The following POLE variants were observed in gnomAD, a reference collection of about 807,000 sequenced individuals.
POLE encodes the protein DNA polymerase epsilon catalytic subunit A.
In POLE, 188 loss-of-function variants were observed where a neutral mutation model predicts 279.2. That is an observed-to-expected ratio of 0.67 (90% CI 0.60 to 0.76). The LOEUF is 0.76. Ranked by LOEUF, POLE falls within the 30% of genes least tolerant of loss-of-function variation. The probability of loss-of-function intolerance (pLI) is 0.00; values close to 1 mark genes in which losing one functional copy is unlikely to be tolerated. For synonymous variants in POLE, 1,214 were observed against 1,172.5 expected, an observed-to-expected ratio of 1.04 and a Z score of -0.72; for missense variants, 2,703 against 3,016.7, an observed-to-expected ratio of 0.90 and a Z score of 2.44.
intron 6 of POLE, 124 bp from the exon 7 acceptor site, chr12:132,677,843 T>G: frequency 1.1e-6 from 1 of 941,260 alleles, no homozygotes; most frequent in Non-Finnish European, 1.6e-6. Context: ...AAAGGTAAAT[T>G]GATGTGGTTT....
chr12:132,641,643 G>A lies in POLE; in HGVS notation c.5378+4C>T, dbSNP rs1565935556. ...GTAACACTCCTTCCCAGAGAGGGTG[G>A]CACCTGAAGGTGTTAGAGCACAGGG... On this transcript the variant is annotated splice_donor_region_variant and intron_variant, in intron 39 of 48. Coordinates refer to ENST00000320574, the MANE Select transcript of POLE (RefSeq NM_006231.4). 6.2e-7 allele frequency: 1 copy of A among 1,611,724 alleles called. No homozygotes were observed. The highest frequency in any genetic ancestry group is 2.2e-5 in the East Asian group (1 of 44,864).
In POLE at chr12:132,661,087, A is replaced by G. The variant is rs1364597199; in HGVS notation, c.2942T>C (p.Leu981Pro). The G allele has an allele frequency of 1.2e-6, 2 of 1,613,960 alleles. No homozygotes were observed. Among genetic ancestry groups the G allele is most frequent in the Non-Finnish European group, 1.7e-6 (2 of 1,179,984 alleles). ...FEVKRRGELQLIKIFQSSVFE... is the reference protein window; with the variant it reads ...FEVKRRGELQPIKIFQSSVFE... ...CACCGAGGATTGGAAGATCTTAATCAGCTGCAGTTCCCCGCGGCGTTTGAC... is the reference window on the plus strand; with the variant it reads ...CACCGAGGATTGGAAGATCTTAATCGGCTGCAGTTCCCCGCGGCGTTTGAC... Residue 981 changes from leucine to proline, a missense_variant, in exon 25 of 49, where the codon CTG becomes CCG. Around this residue, in one of 5 missense-constraint regions of POLE, gnomAD observed 19 missense variants for 51.5 expected, o/e 0.37. Transcript: ENST00000320574. This position sits in a 1 kb window ranked among gnomAD's most constrained non-coding sequence, Gnocchi z 4.1.
chr12:132,641,802 C>G lies in POLE; in HGVS notation c.5223G>C (p.Gln1741His), dbSNP rs184039394. The G allele has an allele frequency of 6.2e-7, 1 of 1,605,270 alleles. No individual in the cohort carries two copies. The highest frequency in any genetic ancestry group is 8.5e-7 in the Non-Finnish European group (1 of 1,179,966). ...CCTCCATGTCGTTGACATGGTGAGA[C>G]TGGAGAATGGTGTTGACGGCCAGGT... ...LQNLAVNTIL[Q>H]SHHVNDMEGA... Residue 1741 changes from glutamine to histidine, a missense_variant, in exon 39 of 49, where the codon CAG (glutamine) becomes CAC (histidine). Gln to His is a conservative substitution (Grantham distance 24, BLOSUM62 0). Transcript: ENST00000320574.
intron 40 of POLE, chr12:132,638,576 G>A (rs890444549): frequency 5.9e-6 from 1 of 168,966 alleles, no homozygotes; most frequent in African/African-American, 2.4e-5. Flanking sequence ...GTGAGGCGCG[G>A]CCAGGGAAGA....
Position 132,661,072 on chromosome 12 carries a change from TG to T in POLE, c.2956del (p.Gln986AsnfsTer21), listed in dbSNP as rs1593776083. On this transcript the variant is annotated frameshift_variant, in exon 25 of 49. Coordinates refer to ENST00000320574, the MANE Select transcript of POLE (RefSeq NM_006231.4). LOFTEE classifies it high-confidence loss of function. The surrounding 1 kb of genome is among the most constrained non-coding windows in gnomAD (Gnocchi z 4.1). ...RGELQLIKIF[Q>X]SSVFEAFLKG... The stretch of plus-strand genomic sequence containing the variant: ...GAGGAAGGCCTCAAACACCGAGGAT[TG>T]GAAGATCTTAATCAGCTGCAGTTCC... 6.2e-7 allele frequency: 1 copy of T among 1,613,950 alleles called. No individual in the cohort carries two copies. The highest frequency in any genetic ancestry group is 8.5e-7 in the Non-Finnish European group (1 of 1,179,988).
At chr12:132,651,262 G>A (rs2138623466) in intron 29 of POLE, 1 of 152,314 alleles carries the variant, frequency 6.6e-6, no homozygotes, top group East Asian at 1.9e-4. Context: ...TGTAACTGAT[G>A]TGAAATGATT....
chr12:132,650,746 A>ACAGC (rs1346882805), intron 29 of POLE: 1 of 152,206 alleles, frequency 6.6e-6, no homozygotes, highest in African/African-American at 2.4e-5. Flanking sequence ...AATAATGGGT[A>ACAGC]CAGCCCTCTT....
At chr12:132,658,051 T>C (rs748871791) in intron 26 of POLE, 81 bp from the exon 27 acceptor site, 3 of 891,634 alleles carry the variant, frequency 3.4e-6, no homozygotes, top group East Asian at 2.4e-5. Context: ...CAAATGAACA[T>C]GGAAATAAGG....
intron 12 of POLE, among the ~76,000 whole-genome samples, chr12:132,674,108 G>A (rs775449695): frequency 6.6e-6 from 1 of 151,928 alleles, no homozygotes; most frequent in Non-Finnish European, 1.5e-5. Flanking sequence ...AAACACTCAA[G>A]CCCACCCTCC....
At chr12:132,677,515 A>G in intron 7 of POLE, 63 bp downstream of exon 7, 1 of 1,610,906 alleles carries the variant, frequency 6.2e-7, no homozygotes, top group Non-Finnish European at 8.5e-7. Flanking sequence ...ATTCACCCAT[A>G]ATGATCATCT....
chr12:132,641,507 T>A, intron 39 of POLE, 140 bp downstream of exon 39: 2 of 706,530 alleles, frequency 2.8e-6, no homozygotes, highest in South Asian at 3.6e-5. Flanking sequence ...TATGGAAAAC[T>A]CGCCACACAG....
chr12:132,687,160 G>T, intron 1 of POLE, 94 bp downstream of exon 1: 1 of 740,414 alleles, frequency 1.4e-6, no homozygotes, highest in Non-Finnish European at 1.8e-6. Context: ...TGCGGGAACC[G>T]GGCCTCCCTC....
In POLE at chr12:132,641,712, C is replaced by T. The variant is rs201803493; in HGVS notation, c.5313G>A (p.Thr1771=). The change falls in exon 39 of 49, where the codon ACG becomes ACA. Residue 1771 remains threonine (T), a synonymous_variant. Transcript: ENST00000320574. ...CCGGGGCACTGGCAGCCTGACCACC[C>T]GTGATCATGTCCTCCAGGGAGGCCT... ...IQQASLEDMI[T]GGQAASAPAS... The T allele has an allele frequency of 1.4e-5, 23 of 1,613,492 alleles. No homozygotes were observed. Among genetic ancestry groups the T allele is most frequent in the Middle Eastern group, 1.6e-4 (1 of 6,084 alleles).
intron 6 of POLE, 73 bp downstream of exon 6, chr12:132,679,424 C>G: frequency 6.9e-7 from 1 of 1,439,548 alleles, no homozygotes. Context: ...AACTTTGTTG[C>G]TACGTGTTCC....
intron 5 of POLE, 27 bp downstream of exon 5, chr12:132,679,927 C>T: frequency 6.6e-7 from 1 of 1,521,578 alleles, no homozygotes; most frequent in Non-Finnish European, 9.1e-7. Context: ...GCCTCATTTA[C>T]CCCTGGAAAG....
chr12:132,656,538 T>G (rs1198036442), intron 29 of POLE, among the ~76,000 whole-genome samples: 2 of 152,042 alleles, frequency 1.3e-5, no homozygotes, highest in African/African-American at 4.8e-5. Flanking sequence ...TTTTGTATTT[T>G]TAGTAGAGAT....
intron 39 of POLE, chr12:132,640,980 G>T (rs1400915696): frequency 4.4e-6 from 2 of 456,656 alleles, no homozygotes; most frequent in East Asian, 1.4e-4. Context: ...GCTGAGTACA[G>T]GCTCTGGAAT....
At chr12:132,625,308 C>T (rs1471560511) in intron 47 of POLE, 11 of 724,536 alleles carry the variant, frequency 1.5e-5, no homozygotes, top group Middle Eastern at 2.3e-4. Context: ...CTTGGCGCGT[C>T]CCCCAGCCTC....
At chr12:132,650,872 CTTTTT>C (rs372563000) in intron 29 of POLE, 18 of 108,662 alleles carry the variant, frequency 1.7e-4, no homozygotes, top group African/African-American at 2.3e-4. Flanking sequence ...AACTTGTTTC[CTTTTT>C]TTTTTTTTTT....
Sources: allele counts gnomAD v4.1 joint callset (sites outside exome capture counted in the v4.1 genomes callset), GRCh38; gene constraint gnomAD v4.1.1; regional missense constraint gnomAD v4.1.1; non-coding constraint Gnocchi (gnomAD v3.1); transcripts MANE v1.5; gene names NCBI Gene and HGNC (gene_info 2026-07-23, HGNC 2026-07-21).